Variants in MGAT4C observed in about 807,000 individuals in gnomAD.
MGAT4C encodes alpha-1,3-mannosyl-glycoprotein 4-beta-N-acetylglucosaminyltransferase C.
A neutral mutation model predicts 40.1 loss-of-function variants in MGAT4C; 19 were observed. The ratio of observed to expected loss-of-function variants is 0.47; its 90% confidence interval spans 0.33 to 0.70. The LOEUF is 0.70. Ranked by LOEUF, MGAT4C falls within the 30% of genes least tolerant of loss-of-function variation. MGAT4C has a pLI of 0.02. For missense variants in MGAT4C, 491 were observed against 563.2 expected (o/e 0.87, Z 1.30); for synonymous variants, 181 against 187.1 (o/e 0.97, Z 0.27).
intron 2 of MGAT4C, among the ~76,000 whole-genome samples, chr12:86,614,993 T>G (rs940132023): frequency 1.1e-4 from 17 of 152,010 alleles, no homozygotes; most frequent in African/African-American, 4.1e-4. Flanking sequence ...TAAGGTGTAT[T>G]AGAGTATATC....
chr12:86,360,296 T>C (rs1034572236), intron 3 of MGAT4C, among the ~76,000 whole-genome samples: 3 of 152,218 alleles, frequency 2.0e-5, no homozygotes, highest in African/African-American at 7.2e-5. Context: ...CACTTCATGC[T>C]AAAAACTCTC....
intron 3 of MGAT4C, among the ~76,000 whole-genome samples, chr12:86,419,104 T>A (rs575038317): frequency 6.6e-6 from 1 of 152,082 alleles, no homozygotes; most frequent in Non-Finnish European, 1.5e-5. Flanking sequence ...AATGCATTCA[T>A]GAGGGAAAAA....
intron 1 of MGAT4C, among the ~76,000 whole-genome samples, chr12:86,063,081 A>G (rs754726412): frequency 2.0e-5 from 3 of 152,192 alleles, no homozygotes; most frequent in Non-Finnish European, 4.4e-5. Flanking sequence ...TGTCAAATTC[A>G]CCAAGGTTGA....
At chr12:86,502,891 CAT>C (rs368482178) in intron 2 of MGAT4C, among the ~76,000 whole-genome samples, 14 of 4,660 alleles carry the variant, frequency 3.0e-3, no homozygotes, top group East Asian at 0.015. Context: ...GAGTTCTGCT[CAT>C]ATATATATAT....
intron 2 of MGAT4C, among the ~76,000 whole-genome samples, chr12:86,478,468 A>C (rs1957880033): frequency 6.6e-6 from 1 of 152,154 alleles, no homozygotes. Context: ...AGAGCAGTGA[A>C]CTAAGTAAAT....
intron 1 of MGAT4C, among the ~76,000 whole-genome samples, chr12:86,121,415 G>A (rs1039840333): frequency 6.6e-6 from 1 of 152,018 alleles, no homozygotes; most frequent in Admixed American, 6.6e-5. Context: ...GATACTCCTC[G>A]AGACAAGCAA....
intron 4 of MGAT4C, among the ~76,000 whole-genome samples, chr12:86,307,259 A>G (rs1352670556): frequency 6.6e-6 from 1 of 150,710 alleles, no homozygotes; most frequent in Non-Finnish European, 1.5e-5. Flanking sequence ...AATTATCTTT[A>G]TAGTGTTGTG....
intron 1 of MGAT4C, among the ~76,000 whole-genome samples, chr12:86,765,377 A>C (rs1260185556): frequency 6.6e-6 from 1 of 152,218 alleles, no homozygotes; most frequent in Non-Finnish European, 1.5e-5. Flanking sequence ...GAAAAGACCA[A>C]ATCTACGTCT....
intron 2 of MGAT4C, among the ~76,000 whole-genome samples, chr12:86,483,292 G>A (rs1478880554): frequency 2.0e-5 from 3 of 152,084 alleles, no homozygotes. Context: ...ATTTTAGGGA[G>A]ACATAAACAT....
intron 1 of MGAT4C, among the ~76,000 whole-genome samples, chr12:86,079,497 T>C (rs1257719884): frequency 1.3e-5 from 2 of 152,110 alleles, no homozygotes; most frequent in African/African-American, 2.4e-5. Flanking sequence ...AATGGCACAT[T>C]TGGAAGTCTT....
At position 86,741,801 on chromosome 12, in the gene MGAT4C, T is replaced by C. The variant is rs147352991; in HGVS notation, c.-261-14560A>G. Among the ~76,000 whole-genome samples, 130 of 151,538 alleles carry C rather than the reference T, an allele frequency of 8.6e-4. 2 individuals carry two copies. Among genetic ancestry groups the C allele is most frequent in the African/African-American group, 3.0e-3 (125 of 41,476 alleles). ...GACTCTTCTAATCCTGAGATGGTAC[T>C]TTTGAATAGGATCTCCCTTTAGAAT... On this transcript the variant is annotated intron_variant, in intron 1 of 7. Coordinates refer to the MGAT4C transcript ENST00000548651.
At chr12:86,216,635 C>T (rs564824299) in intron 1 of MGAT4C, among the ~76,000 whole-genome samples, 1 of 151,840 alleles carries the variant, frequency 6.6e-6, no homozygotes, top group Non-Finnish European at 1.5e-5. Context: ...TATAATATTG[C>T]CAAATTAAAA....
chr12:85,979,229 G>T lies in MGAT4C; in HGVS notation c.*60C>A, dbSNP rs1592590353. ...CATTGCTTTCCCTCCAAAAGACAAA[G>T]GTAGCAAAAGACGAAGCAGGAAGAA... On this transcript the variant is annotated 3_prime_UTR_variant, in exon 5 of 5. Transcript: ENST00000611864. 1.5e-6 allele frequency: 2 copies of T among 1,360,488 alleles called. No individual in the cohort carries two copies. The highest frequency in any genetic ancestry group is 2.3e-5 in the East Asian group (1 of 42,932). 84.3% of individuals were successfully genotyped at this position (1,360,488 alleles called of 1,614,324 possible).
At chr12:86,482,906 A>G (rs1957960168) in intron 2 of MGAT4C, among the ~76,000 whole-genome samples, 1 of 152,212 alleles carries the variant, frequency 6.6e-6, no homozygotes, top group Non-Finnish European at 1.5e-5. Flanking sequence ...TCAAAGGAGA[A>G]TAACTGGGTT....
At chr12:86,211,779 G>A (rs940729512) in intron 1 of MGAT4C, among the ~76,000 whole-genome samples, 1 of 151,682 alleles carries the variant, frequency 6.6e-6, no homozygotes, top group Non-Finnish European at 1.5e-5. Context: ...TTTTGTTGCT[G>A]GTTTTTGTTG....
chr12:86,721,515 T>C (rs1019207153), intron 2 of MGAT4C, among the ~76,000 whole-genome samples: 1 of 152,088 alleles, frequency 6.6e-6, no homozygotes, highest in African/African-American at 2.4e-5. Context: ...CTCTCTTCTT[T>C]CCCCTACCTT....
chr12:86,218,318 T>C (rs1362859284), intron 1 of MGAT4C, among the ~76,000 whole-genome samples: 1 of 152,168 alleles, frequency 6.6e-6, no homozygotes, highest in East Asian at 1.9e-4. Context: ...CCTGTAATAC[T>C]ATTTTGATGA....
At chr12:86,197,759 T>A (rs1265505662) in intron 1 of MGAT4C, among the ~76,000 whole-genome samples, 6 of 152,240 alleles carry the variant, frequency 3.9e-5, no homozygotes, top group Non-Finnish European at 8.8e-5. Context: ...AACATCATCA[T>A]CTTTTTAACT....
intron 2 of MGAT4C, among the ~76,000 whole-genome samples, chr12:86,539,275 T>G (rs1340575670): frequency 6.6e-6 from 1 of 151,580 alleles, no homozygotes; most frequent in Admixed American, 6.6e-5. Context: ...ACATGCAGTG[T>G]TTGGTTTTCT....
Sources: gnomAD v4.1 joint callset for allele counts (sites outside exome capture counted in the v4.1 genomes callset) on GRCh38, gnomAD v4.1.1 for gene constraint, MANE v1.5 for transcripts, NCBI Gene and HGNC (gene_info 2026-07-23, HGNC 2026-07-21) for gene names.